Variants in MAGI2 observed in about 807,000 individuals in gnomAD.
MAGI2 encodes membrane associated guanylate kinase, WW and PDZ domain containing 2.
In MAGI2, 35 loss-of-function variants were observed where a neutral mutation model predicts 133.3. The ratio of observed to expected loss-of-function variants is 0.26; its 90% CI spans 0.20 to 0.35. The LOEUF (loss-of-function observed/expected upper bound fraction) is 0.35. Ranked by LOEUF, MAGI2 falls within the 10% of genes least tolerant of loss-of-function variation. The pLI is 1.00. For synonymous variants in MAGI2, 729 were observed against 710.6 expected, an observed-to-expected ratio of 1.03 and a Z score of -0.41; for missense variants, 1,636 against 1,863.4, an observed-to-expected ratio of 0.88 and a Z score of 2.25.
At chr7:78,568,995 C>G (rs967125883) in intron 3 of MAGI2, among the ~76,000 whole-genome samples, 9 of 152,054 alleles carry the variant, frequency 5.9e-5, no homozygotes, top group African/African-American at 2.2e-4. Context: ...ATTCATTTTG[C>G]CCCCGACACC....
intron 1 of MAGI2, among the ~76,000 whole-genome samples, chr7:79,204,042 C>A (rs918088058): frequency 1.3e-5 from 2 of 152,012 alleles, no homozygotes; most frequent in Non-Finnish European, 2.9e-5. Context: ...TGTATCACTC[C>A]TTTCCCAACC....
At chr7:79,293,450 T>C (rs1188575866) in intron 1 of MAGI2, among the ~76,000 whole-genome samples, 1 of 152,242 alleles carries the variant, frequency 6.6e-6, no homozygotes, top group East Asian at 1.9e-4. Context: ...TCACACAGTT[T>C]GCATTTAATA....
chr7:79,127,895 A>G (rs1163883061), intron 1 of MAGI2, among the ~76,000 whole-genome samples: 1 of 152,136 alleles, frequency 6.6e-6, no homozygotes. Flanking sequence ...CCTGAATGGT[A>G]TTGCCTAGGT....
At chr7:79,067,638 T>C (rs59220449) in intron 1 of MAGI2, among the ~76,000 whole-genome samples, 1,724 of 152,338 alleles carry the variant, frequency 0.011, 33 homozygotes, top group African/African-American at 0.039. Context: ...CTTCCAATAC[T>C]ATGTTGAACA....
At chr7:79,256,486 C>CTTTTTTTT (rs11303181) in intron 1 of MAGI2, among the ~76,000 whole-genome samples, 1 of 82,772 alleles carries the variant, frequency 1.2e-5, no homozygotes, top group East Asian at 3.7e-4. Context: ...CTCTCTCTCT[C>CTTTTTTTT]TTTTTTTTTT....
chr7:79,156,874 A>C (rs1056860978), intron 1 of MAGI2, among the ~76,000 whole-genome samples: 2 of 152,040 alleles, frequency 1.3e-5, no homozygotes, highest in Admixed American at 6.6e-5. Flanking sequence ...AAGTCTCAGA[A>C]CCCCAAAGAA....
At chr7:79,081,220 G>A (rs1046321555) in intron 1 of MAGI2, among the ~76,000 whole-genome samples, 13 of 152,164 alleles carry the variant, frequency 8.5e-5, no homozygotes, top group African/African-American at 3.1e-4. Flanking sequence ...CCCTGTCTCT[G>A]CTTAAATTAA....
chr7:78,386,699 A>T (rs886333700), intron 6 of MAGI2, among the ~76,000 whole-genome samples: 2 of 152,170 alleles, frequency 1.3e-5, no homozygotes, highest in Non-Finnish European at 2.9e-5. Context: ...CTGTGTGTAT[A>T]TCATATTGAG....
At chr7:78,109,481 A>T (rs1393241810) in intron 20 of MAGI2, among the ~76,000 whole-genome samples, 10 of 139,850 alleles carry the variant, frequency 7.2e-5, no homozygotes, top group East Asian at 6.7e-4. Context: ...AAATACACAA[A>T]ATTAGCTGGG....
At chr7:79,294,406 T>G (rs546835645) in intron 1 of MAGI2, among the ~76,000 whole-genome samples, 4 of 150,618 alleles carry the variant, frequency 2.7e-5, no homozygotes, top group Non-Finnish European at 5.9e-5. Context: ...CAGGCCCCCA[T>G]CTCACCGATT....
intron 2 of MAGI2, among the ~76,000 whole-genome samples, chr7:78,767,210 C>A (rs561233590): frequency 6.6e-6 from 1 of 152,150 alleles, no homozygotes; most frequent in South Asian, 2.1e-4. Flanking sequence ...AGGCTGGTTT[C>A]GAATTCCTAA....
At chr7:78,135,432 C>A (rs1013563838) in intron 16 of MAGI2, among the ~76,000 whole-genome samples, 1 of 152,146 alleles carries the variant, frequency 6.6e-6, no homozygotes, top group Non-Finnish European at 1.5e-5. Flanking sequence ...CAAACACAGA[C>A]CAGGGGTTCT....
chr7:78,155,020 C>G (rs933774427), intron 16 of MAGI2, among the ~76,000 whole-genome samples: 3 of 152,204 alleles, frequency 2.0e-5, no homozygotes, highest in Admixed American at 6.5e-5. Context: ...GCAGAAAATG[C>G]TTCAAACTTC....
chr7:78,175,642 A>C (rs571913969), intron 14 of MAGI2, among the ~76,000 whole-genome samples: 1 of 152,100 alleles, frequency 6.6e-6, no homozygotes, highest in African/African-American at 2.4e-5. Context: ...CTAGTGTTTA[A>C]AGTTGGGGTG....
chr7:78,677,503 C>T (rs910709369), intron 2 of MAGI2, among the ~76,000 whole-genome samples: 2 of 151,474 alleles, frequency 1.3e-5, no homozygotes, highest in African/African-American at 4.9e-5. Context: ...ATGAGTCAGG[C>T]ACATAGCTAT....
At chr7:78,896,194 CT>C (rs1797200498) in intron 2 of MAGI2, among the ~76,000 whole-genome samples, 1 of 152,134 alleles carries the variant, frequency 6.6e-6, no homozygotes, top group Admixed American at 6.6e-5. Context: ...TCCTGCATTT[CT>C]TTGAGCACCT....
chr7:78,990,340 T>C (rs999960025), intron 2 of MAGI2, among the ~76,000 whole-genome samples: 6 of 152,108 alleles, frequency 3.9e-5, no homozygotes, highest in Non-Finnish European at 5.9e-5. Flanking sequence ...AAGAAGAATA[T>C]AGTTCAAACC....
chr7:79,040,952 T>A (rs1259189699), intron 1 of MAGI2, among the ~76,000 whole-genome samples: 1 of 152,198 alleles, frequency 6.6e-6, no homozygotes, highest in Admixed American at 6.5e-5. Context: ...ACTACAGTTA[T>A]CAATAATAGA....
At chr7:78,083,385 G>GGGGGGGGA (rs1816224394) in intron 20 of MAGI2, among the ~76,000 whole-genome samples, 1 of 45,424 alleles carries the variant, frequency 2.2e-5, no homozygotes, top group Non-Finnish European at 4.1e-5. Flanking sequence ...GGAGGGAGGG[G>GGGGGGGGA]GGGAGAGAGA....
Sources: allele counts gnomAD v4.1 joint callset (sites outside exome capture counted in the v4.1 genomes callset), GRCh38; gene constraint gnomAD v4.1.1; transcripts MANE v1.5; gene names NCBI Gene and HGNC (gene_info 2026-07-23, HGNC 2026-07-21).